Variants in RP2 observed in about 807,000 individuals in gnomAD.
RP2 encodes the protein protein XRP2.
Under a neutral mutation model 20.3 loss-of-function variants are expected in RP2, and 3 were observed. The ratio of observed to expected loss-of-function variants is 0.15; its 90% CI spans 0.07 to 0.38. The LOEUF is 0.38. Among genes scored for constraint, RP2 ranks in the 10% least tolerant of loss-of-function variants. RP2 has a pLI of 1.00. For missense variants in RP2, 233 were observed against 268.5 expected, an observed-to-expected ratio of 0.87 and a Z score of 0.92; for synonymous variants, 75 against 94.8, an observed-to-expected ratio of 0.79 and a Z score of 1.22.
chrX:46,837,515 C>T lies in RP2; in HGVS notation c.102+313C>T, dbSNP rs782682523. On this transcript the variant is annotated intron_variant, in intron 1 of 4. Coordinates refer to ENST00000218340, the MANE Select transcript of RP2 (RefSeq NM_006915.3). ...GACTTCCTGTTGGAGATGATCGATT[C>T]GAGAGAGGGAAAGAGCCGAGAACGC... Among the ~76,000 whole-genome samples the T allele has an allele frequency of 3.6e-5, 4 of 111,543 alleles. No homozygotes were observed. The East Asian group carries it at 8.4e-4, about 24-fold the overall frequency.
At position 46,866,986 on chromosome X, in the gene RP2, G is replaced by A. The variant is rs552968924; in HGVS notation, c.883+6884G>A. Among the ~76,000 whole-genome samples the A allele has an allele frequency of 6.2e-5, 7 of 112,094 alleles. No homozygotes were observed. The South Asian group carries it at 2.6e-3, about 41-fold the overall frequency. ...CCTATGATTTTGTCTTTTCCAGAGT[G>A]TACCATAAATGGAATCATACAACAT... is the stretch of plus-strand genomic sequence containing the variant. On this transcript the variant is annotated intron_variant, in intron 3 of 4. Transcript: ENST00000218340.
At chrX:46,855,921 A>T (rs1924952265) in intron 2 of RP2, among the ~76,000 whole-genome samples, 1 of 112,133 alleles carries the variant, frequency 8.9e-6, no homozygotes. Flanking sequence ...TCTGAAATCC[A>T]CAAAGTATAT....
chrX:46,866,333 T>G (rs1374018023), intron 3 of RP2, among the ~76,000 whole-genome samples: 4 of 111,673 alleles, frequency 3.6e-5, no homozygotes, highest in African/African-American at 1.3e-4. Context: ...TGTATGACTA[T>G]TAACCTGTAT....
intron 1 of RP2, among the ~76,000 whole-genome samples, chrX:46,847,720 A>ATATACACACATG (rs1924748134): frequency 2.3e-5 from 2 of 86,183 alleles, no homozygotes; most frequent in African/African-American, 5.2e-5. Flanking sequence ...ACACACATAT[A>ATATACACACATG]TGTGTGTGTG....
chrX:46,837,163 G>A lies in RP2; in HGVS notation c.63G>A (p.Glu21=). 1 of 1,171,289 alleles carries A rather than the reference G, an allele frequency of 8.5e-7. No homozygotes were observed. The highest frequency in any genetic ancestry group is 1.1e-6 in the Non-Finnish European group (1 of 874,977). The change falls in exon 1 of 5, where the codon GAG becomes GAA. Residue 21 remains glutamate, a synonymous_variant. Transcript: ENST00000218340. ...AGGAGTCGCGGCCCGAGAACGAGGA[G>A]GAGCGGCCAAAGCAGTACAGCTGGG... ...ADKESRPENE[E]ERPKQYSWDQ...
chrX:46,876,136 T>C (rs908592637), intron 3 of RP2, among the ~76,000 whole-genome samples: 21 of 111,016 alleles, frequency 1.9e-4, no homozygotes, highest in African/African-American at 6.2e-4. Flanking sequence ...TATTTTTTTT[T>C]TGAGACATGG....
At chrX:46,854,951 A>G (rs1009587160) in intron 2 of RP2, among the ~76,000 whole-genome samples, 9 of 110,572 alleles carry the variant, frequency 8.1e-5, no homozygotes, top group Middle Eastern at 4.6e-3. Context: ...TATTGTTAGT[A>G]GAGACGGGGT....
intron 3 of RP2, among the ~76,000 whole-genome samples, chrX:46,865,652 G>A (rs782287637): frequency 8.9e-6 from 1 of 112,650 alleles, no homozygotes; most frequent in African/African-American, 3.2e-5. Flanking sequence ...TGTCCTGGCT[G>A]GGTGTGGTGG....
intron 3 of RP2, among the ~76,000 whole-genome samples, chrX:46,868,773 G>A (rs1272436487): frequency 4.7e-5 from 4 of 84,224 alleles, no homozygotes; most frequent in East Asian, 3.7e-4. Flanking sequence ...GAGACAGGGC[G>A]ATACTCCATC....
At chrX:46,854,286 A>T in intron 2 of RP2, 145 bp downstream of exon 2, 1 of 547,887 alleles carries the variant, frequency 1.8e-6, no homozygotes, top group Non-Finnish European at 3.0e-6. Flanking sequence ...CTCTCCCAAC[A>T]GACTCATCTG....
intron 3 of RP2, among the ~76,000 whole-genome samples, chrX:46,866,743 A>G (rs1462339000): frequency 8.9e-6 from 1 of 111,936 alleles, no homozygotes; most frequent in African/African-American, 3.3e-5. Flanking sequence ...CATTTGTTAC[A>G]AGCTTCATTC....
chrX:46,847,768 G>GTGTGTGTATATACACACA (rs1569531392), intron 1 of RP2, among the ~76,000 whole-genome samples: 1 of 59,583 alleles, frequency 1.7e-5, no homozygotes, highest in African/African-American at 1.0e-4. Flanking sequence ...ATACACACAT[G>GTGTGTGTATATACACACA]TGTGTGTGTA....
chrX:46,879,655 A>AT (rs549866875), intron 4 of RP2, 31 bp from the exon 5 acceptor site: 4,008 of 832,870 alleles, frequency 4.8e-3, no homozygotes, highest in Non-Finnish European at 5.8e-3. Flanking sequence ...CTTGGTACTG[A>AT]TTTTTTTTTT....
chrX:46,881,654 T>C lies in RP2; in HGVS notation c.*1885T>C, dbSNP rs1262138592. 9.1e-6 allele frequency: 1 copy of C among 110,087 alleles called. No individual in the cohort carries two copies. Among genetic ancestry groups the C allele is most frequent in the Non-Finnish European group, 1.9e-5 (1 of 52,859 alleles). 9.1% of individuals were successfully genotyped at this position (110,087 alleles called of 1,213,427 possible). A position where few individuals can be genotyped will look rare whatever the true frequency, so the allele number is the denominator to read the frequency against. Reference sequence around the variant, plus strand: ...TACACCTGGCTAATTTTTGTATTTTTAGTTGAGATGGGGTTTTTCCACGTT... The same window carrying C: ...TACACCTGGCTAATTTTTGTATTTTCAGTTGAGATGGGGTTTTTCCACGTT... On this transcript the variant is annotated 3_prime_UTR_variant, in exon 5 of 5. Transcript: ENST00000218340.
chrX:46,837,047 T>C lies in RP2; in HGVS notation c.-54T>C. The C allele has an allele frequency of 1.8e-6, 2 of 1,120,213 alleles. No homozygotes were observed. The highest frequency in any genetic ancestry group is 2.4e-6 in the Non-Finnish European group (2 of 829,880). The allele number at this position is 1,120,213 out of a possible 1,213,427, so 92.3% of individuals were successfully genotyped here. A position where few individuals can be genotyped will look rare whatever the true frequency, so the allele number is the denominator to read the frequency against. ...GGGGTTCCCAGGGTTCACGCCACAC[T>C]CTAGGAAGTGCCTGAGCTAGTGAGC... On this transcript the variant is annotated 5_prime_UTR_variant, in exon 1 of 5. Transcript: ENST00000218340.
chrX:46,860,180 T>G, intron 3 of RP2, 78 bp downstream of exon 3: 2 of 637,628 alleles, frequency 3.1e-6, no homozygotes, highest in South Asian at 4.8e-5. Context: ...CCTTTAACAT[T>G]TGTTTTACAT....
intron 4 of RP2, among the ~76,000 whole-genome samples, chrX:46,879,146 A>G (rs1925429202): frequency 9.5e-6 from 1 of 104,798 alleles, no homozygotes; most frequent in Admixed American, 1.0e-4. Flanking sequence ...GGGCTGAGGC[A>G]GGAGAATCAC....
intron 1 of RP2, among the ~76,000 whole-genome samples, chrX:46,846,010 C>T (rs935922481): frequency 6.3e-5 from 7 of 111,393 alleles, no homozygotes; most frequent in Non-Finnish European, 7.5e-5. Context: ...AGGTGATCCG[C>T]CCACCTTGGC....
At chrX:46,878,984 G>A (rs1469623966) in intron 4 of RP2, among the ~76,000 whole-genome samples, 1 of 104,438 alleles carries the variant, frequency 9.6e-6, no homozygotes, top group Admixed American at 1.1e-4. Flanking sequence ...CAGCACTTTG[G>A]GAGGCTGAAG....
Sources: allele counts gnomAD v4.1 joint callset (sites outside exome capture counted in the v4.1 genomes callset), GRCh38; gene constraint gnomAD v4.1.1; transcripts MANE v1.5; gene names NCBI Gene and HGNC (gene_info 2026-07-23, HGNC 2026-07-21).